KLHL1: variants seen among roughly 807,000 people sequenced by gnomAD.
The protein encoded by KLHL1 is kelch like family member 1, also known as kelch-like protein 1.
Under a neutral mutation model 77.7 loss-of-function variants are expected in KLHL1, and 47 were observed. The observed-to-expected ratio is 0.60, with a 90% CI of 0.48 to 0.77. The LOEUF (loss-of-function observed/expected upper bound fraction) is 0.77. KLHL1 is among the 30% of genes least tolerant of loss of function. The pLI is 0.00. For synonymous variants in KLHL1, 360 were observed against 325.2 expected (o/e 1.11, Z -1.15); for missense variants, 925 against 910.8 (o/e 1.02, Z -0.20).
At chr13:69,911,818 T>C (rs939901127) in intron 4 of KLHL1, among the ~76,000 whole-genome samples, 2 of 152,154 alleles carry the variant, frequency 1.3e-5, no homozygotes, top group Non-Finnish European at 2.9e-5. Flanking sequence ...TGGTCAATTC[T>C]ACAAAATCTC....
At chr13:69,778,013 ATAT>A (rs1875924071) in intron 7 of KLHL1, among the ~76,000 whole-genome samples, 1 of 151,884 alleles carries the variant, frequency 6.6e-6, no homozygotes, top group Non-Finnish European at 1.5e-5. Context: ...TTTATAATTC[ATAT>A]TATTAAAAAT....
At chr13:70,061,986 C>T (rs1015509624) in intron 1 of KLHL1, among the ~76,000 whole-genome samples, 3 of 152,002 alleles carry the variant, frequency 2.0e-5, no homozygotes, top group African/African-American at 4.8e-5. Flanking sequence ...TGACAATGTA[C>T]GATAAAGTAA....
chr13:70,069,001 T>C (rs1887077368), intron 1 of KLHL1, among the ~76,000 whole-genome samples: 1 of 152,226 alleles, frequency 6.6e-6, no homozygotes, highest in African/African-American at 2.4e-5. Flanking sequence ...AGGAGCACTC[T>C]GTTCTCCTTA....
At chr13:69,940,271 T>C (rs750331034) in intron 3 of KLHL1, 35 bp from the exon 4 acceptor site, 7 of 1,504,148 alleles carry the variant, frequency 4.7e-6, no homozygotes, top group Non-Finnish European at 6.3e-6. Context: ...GAAACTCTTT[T>C]AAAAACATGA....
intron 7 of KLHL1, among the ~76,000 whole-genome samples, chr13:69,754,003 AT>A (rs35799069): frequency 0.4 from 59,844 of 148,740 alleles, 12,236 homozygotes; most frequent in African/African-American, 0.46. Context: ...TGCCTGGCTA[AT>A]TTTTTTTTTT....
At chr13:69,929,886 A>G (rs1882944414) in intron 4 of KLHL1, among the ~76,000 whole-genome samples, 1 of 151,856 alleles carries the variant, frequency 6.6e-6, no homozygotes, top group African/African-American at 2.4e-5. Flanking sequence ...TTGTTCTTTG[A>G]TCAATAAAAT....
intron 1 of KLHL1, among the ~76,000 whole-genome samples, chr13:70,053,551 A>G (rs964537639): frequency 2.6e-5 from 4 of 152,138 alleles, no homozygotes; most frequent in African/African-American, 9.6e-5. Context: ...ATGTAAAACA[A>G]TTGATCAAAG....
chr13:70,072,806 A>G (rs1887167457), intron 1 of KLHL1, among the ~76,000 whole-genome samples: 1 of 152,096 alleles, frequency 6.6e-6, no homozygotes, highest in Non-Finnish European at 1.5e-5. Context: ...CAACTTGGTA[A>G]AAAACTTTTA....
intron 2 of KLHL1, among the ~76,000 whole-genome samples, chr13:69,967,486 G>A (rs1177444329): frequency 6.6e-6 from 1 of 152,196 alleles, no homozygotes; most frequent in African/African-American, 2.4e-5. Context: ...TTGAATGGAT[G>A]AAGAGTTGCT....
intron 8 of KLHL1, among the ~76,000 whole-genome samples, chr13:69,739,059 A>G (rs1873878428): frequency 6.6e-6 from 1 of 152,220 alleles, no homozygotes; most frequent in South Asian, 2.1e-4. Flanking sequence ...ACCTCTCAGC[A>G]GAAACCCTAT....
chr13:70,022,472 A>T (rs1885829907), intron 1 of KLHL1, among the ~76,000 whole-genome samples: 1 of 151,844 alleles, frequency 6.6e-6, no homozygotes. Context: ...TCTTCATTGT[A>T]CTCTAAATAT....
chr13:69,964,333 C>T (rs950814634), intron 2 of KLHL1, among the ~76,000 whole-genome samples: 1 of 152,288 alleles, frequency 6.6e-6, no homozygotes, highest in East Asian at 1.9e-4. Flanking sequence ...TGAGACACTG[C>T]ACCCAGACCA....
intron 7 of KLHL1, among the ~76,000 whole-genome samples, chr13:69,741,349 T>C (rs1873980003): frequency 6.6e-6 from 1 of 152,166 alleles, no homozygotes; most frequent in Admixed American, 6.6e-5. Flanking sequence ...TTCTGATGAA[T>C]ATTTCCTAAA....
rs546493396 is a variant in KLHL1, at chr13:69,726,509, T to C, written c.1803-6928A>G. ...ATACATTGGTGACTGCTTTTCTTTCTAGTTGCTAAGAAATGATGGTGTCTA... is the reference window on the plus strand; with the variant it reads ...ATACATTGGTGACTGCTTTTCTTTCCAGTTGCTAAGAAATGATGGTGTCTA... On this transcript the variant is annotated intron_variant, in intron 8 of 10. Coordinates refer to ENST00000377844, the MANE Select transcript of KLHL1 (RefSeq NM_020866.3). Among the ~76,000 whole-genome samples, 3 of 151,130 alleles carry C rather than the reference T, an allele frequency of 2.0e-5. No individual in the cohort carries two copies. In the South Asian group the frequency reaches 6.2e-4, roughly 31 times the overall value.
chr13:69,765,013 G>A (rs1351503151), intron 7 of KLHL1, among the ~76,000 whole-genome samples: 1 of 125,148 alleles, frequency 8.0e-6, no homozygotes, highest in African/African-American at 3.1e-5. Context: ...GTGCAGTGGC[G>A]CAATCTCAGC....
intron 6 of KLHL1, among the ~76,000 whole-genome samples, chr13:69,821,294 T>A (rs1878325449): frequency 6.6e-6 from 1 of 152,054 alleles, no homozygotes; most frequent in Non-Finnish European, 1.5e-5. Context: ...TTCATCGTAA[T>A]AATTTATTTA....
chr13:69,816,648 T>C (rs1285532249), intron 6 of KLHL1, among the ~76,000 whole-genome samples: 2 of 152,250 alleles, frequency 1.3e-5, no homozygotes, highest in East Asian at 3.8e-4. Context: ...TAGTTCATTA[T>C]TTTTAAAAGC....
intron 2 of KLHL1, among the ~76,000 whole-genome samples, chr13:69,967,885 C>CAAAAAAAAAAA: frequency 7.4e-6 from 1 of 135,210 alleles, no homozygotes; most frequent in Non-Finnish European, 1.6e-5. Context: ...GATGCTGAAT[C>CAAAAAAAAAAA]AAAAAAAAAA....
chr13:69,895,302 T>C (rs1881590619), intron 4 of KLHL1, among the ~76,000 whole-genome samples: 1 of 152,124 alleles, frequency 6.6e-6, no homozygotes, highest in African/African-American at 2.4e-5. Context: ...ACTTCTTTTC[T>C]TGTTTGTGTT....
Sources: allele counts gnomAD v4.1 joint callset (sites outside exome capture counted in the v4.1 genomes callset), GRCh38; gene constraint gnomAD v4.1.1; transcripts MANE v1.5; gene names NCBI Gene and HGNC (gene_info 2026-07-23, HGNC 2026-07-21).